CHD9NB: variants seen among roughly 807,000 people sequenced by gnomAD.
CHD9NB encodes CHD9 neighbor protein.
chr16:53,040,505 C>A, the CHD9NB span, among the ~76,000 whole-genome samples: 18 of 152,166 alleles, frequency 1.2e-4, no homozygotes, highest in Admixed American at 9.8e-4. Context: ...CATTCGCTTC[C>A]AAAATAACCA....
the CHD9NB span, among the ~76,000 whole-genome samples, chr16:53,039,748 A>T: frequency 6.9e-6 from 1 of 145,488 alleles, no homozygotes; most frequent in Non-Finnish European, 1.6e-5. Context: ...CTCAAAAAAA[A>T]AAAAAAGTTC....
At chr16:53,051,635 G>T in the CHD9NB span, among the ~76,000 whole-genome samples, 1 of 141,294 alleles carries the variant, frequency 7.1e-6, no homozygotes, top group Admixed American at 7.2e-5. Context: ...AGGGGGAGGG[G>T]GGAGGGATAG....
At chr16:53,043,998 T>A in the CHD9NB span, 1 of 398,792 alleles carries the variant, frequency 2.5e-6, no homozygotes, top group East Asian at 3.6e-5. Context: ...GAGAGAGGCA[T>A]TTCAGCTCTT....
chr16:53,038,473 G>A, the CHD9NB span, among the ~76,000 whole-genome samples: 10 of 127,516 alleles, frequency 7.8e-5, no homozygotes, highest in Admixed American at 4.0e-4. Flanking sequence ...TCAGCCTCCC[G>A]AGTAGTAGCT....
chr16:53,045,908 C>A, the CHD9NB span, among the ~76,000 whole-genome samples: 1 of 152,132 alleles, frequency 6.6e-6, no homozygotes, highest in African/African-American at 2.4e-5. Flanking sequence ...CACTCCAACC[C>A]CCTTTCTGCC....
the CHD9NB span, chr16:53,043,489 A>G: frequency 0.29 from 44,486 of 152,156 alleles, 7,543 homozygotes; most frequent in Non-Finnish European, 0.39. Context: ...AAAATTATTC[A>G]TAGGGTGTGG....
chr16:53,035,905 CAGTGAGCTGT>C, the CHD9NB span: 1 of 151,232 alleles, frequency 6.6e-6, no homozygotes, highest in Non-Finnish European at 1.5e-5. Flanking sequence ...TTTGGAGCTG[CAGTGAGCTGT>C]GATCACACCA....
chr16:53,039,984 A>G, the CHD9NB span, among the ~76,000 whole-genome samples: 1 of 152,144 alleles, frequency 6.6e-6, no homozygotes, highest in South Asian at 2.1e-4. Context: ...TCCTAGCATC[A>G]TTCTTCTGCC....
At chr16:53,040,418 G>T in the CHD9NB span, among the ~76,000 whole-genome samples, 1 of 152,102 alleles carries the variant, frequency 6.6e-6, no homozygotes, top group Non-Finnish European at 1.5e-5. Flanking sequence ...CCCTGTCCCT[G>T]TGCCGTGGGC....
chr16:53,044,107 G>A, the CHD9NB span: 3 of 398,696 alleles, frequency 7.5e-6, no homozygotes, highest in Admixed American at 1.3e-4. Flanking sequence ...TCTTCTTCAA[G>A]CTTCTGGGAC....
chr16:53,046,713 C>A, the CHD9NB span, among the ~76,000 whole-genome samples: 114 of 152,148 alleles, frequency 7.5e-4, no homozygotes, highest in African/African-American at 2.6e-3. Flanking sequence ...AAAAAGAAGC[C>A]TTGTCTTGCC....
the CHD9NB span, among the ~76,000 whole-genome samples, chr16:53,049,472 G>A: frequency 4.6e-5 from 7 of 152,130 alleles, no homozygotes. Context: ...CACCGCACCT[G>A]GAGGATCTTA....
the CHD9NB span, among the ~76,000 whole-genome samples, chr16:53,038,784 G>T: frequency 1.3e-5 from 2 of 152,194 alleles, no homozygotes; most frequent in Admixed American, 1.3e-4. Flanking sequence ...CAAGGAGCAA[G>T]TTGGGATCAG....
At chr16:53,036,449 A>G in the CHD9NB span, among the ~76,000 whole-genome samples, 3 of 152,158 alleles carry the variant, frequency 2.0e-5, no homozygotes, top group Admixed American at 2.0e-4. Flanking sequence ...TGGTTTTTCC[A>G]GAGTTTTGTC....
chr16:53,036,583 A>G, the CHD9NB span, among the ~76,000 whole-genome samples: 1 of 152,184 alleles, frequency 6.6e-6, no homozygotes, highest in Non-Finnish European at 1.5e-5. Context: ...TATCAGACCC[A>G]GAGGGCACTG....
the CHD9NB span, among the ~76,000 whole-genome samples, chr16:53,052,276 A>G: frequency 6.6e-6 from 1 of 151,652 alleles, no homozygotes; most frequent in East Asian, 1.9e-4. Context: ...GCATGGTGGC[A>G]CATGCCTGCA....
chr16:53,038,687 C>A, the CHD9NB span, among the ~76,000 whole-genome samples: 3 of 152,106 alleles, frequency 2.0e-5, no homozygotes, highest in African/African-American at 7.2e-5. Context: ...CCCCCCTGCA[C>A]CCCCTGTACA....
the CHD9NB span, among the ~76,000 whole-genome samples, chr16:53,050,830 G>C: frequency 6.6e-6 from 1 of 151,656 alleles, no homozygotes; most frequent in East Asian, 1.9e-4. Flanking sequence ...ACACCATCTT[G>C]CCCATGACTC....
At chr16:53,037,118 TA>T in the CHD9NB span, among the ~76,000 whole-genome samples, 71 of 152,184 alleles carry the variant, frequency 4.7e-4, no homozygotes, top group African/African-American at 1.7e-3. Flanking sequence ...GTATTTTTAA[TA>T]GAGATGGGGT....
Sources: allele counts gnomAD v4.1 joint callset (sites outside exome capture counted in the v4.1 genomes callset), GRCh38; gene constraint gnomAD v4.1.1; transcripts MANE v1.5; gene names NCBI Gene and HGNC (gene_info 2026-07-23, HGNC 2026-07-21).